KIRREL3: variants seen among roughly 807,000 people sequenced by gnomAD.
KIRREL3 encodes the protein kirre like nephrin family adhesion molecule 3.
KIRREL3 carries 36 observed loss-of-function variants against 89.7 expected under a neutral mutation model. The observed-to-expected ratio is 0.40, with a 90% CI of 0.31 to 0.53. The LOEUF (loss-of-function observed/expected upper bound fraction) is 0.53, where lower values mean the gene tolerates loss of function less well. Ranked by LOEUF, KIRREL3 falls within the 20% of genes least tolerant of loss-of-function variation. KIRREL3 has a pLI of 0.49. For missense variants in KIRREL3, 864 were observed against 1,056.6 expected (o/e 0.82, Z 2.53); for synonymous variants, 445 against 441.4 (o/e 1.01, Z -0.10).
chr11:126,891,197 A>G lies in KIRREL3; in HGVS notation c.55+109258T>C, dbSNP rs1440846798. Among the ~76,000 whole-genome samples, 6 of 152,182 alleles carry G rather than the reference A, an allele frequency of 3.9e-5. No homozygotes were observed. The highest frequency in any genetic ancestry group is 1.4e-4 in the African/African-American group (6 of 41,438). On this transcript the variant is annotated intron_variant, in intron 1 of 16. Coordinates refer to ENST00000525144, the MANE Select transcript of KIRREL3 (RefSeq NM_032531.4). This position sits in a 1 kb window ranked among gnomAD's most constrained non-coding sequence, Gnocchi z 5.1. ...AAACATCTGAGAAGCGTCCCAAGAT[A>G]CTGCAAATTATAAAGGGTGATTAGG...
chr11:126,927,300 T>C (rs1190596005), intron 1 of KIRREL3, among the ~76,000 whole-genome samples: 1 of 152,190 alleles, frequency 6.6e-6, no homozygotes, highest in Non-Finnish European at 1.5e-5. Context: ...CACTATGCAC[T>C]TGATACACAG....
Position 126,611,712 on chromosome 11 carries a change from T to G in KIRREL3, c.56-48800A>C, listed in dbSNP as rs2134796386. On this transcript the variant is annotated intron_variant, in intron 1 of 16. Coordinates refer to ENST00000525144, the MANE Select transcript of KIRREL3 (RefSeq NM_032531.4). The surrounding 1 kb of genome is among the most constrained non-coding windows in gnomAD (Gnocchi z 4.7). ...TGGGTTCACTGATCGCAGAGTCTTT[T>G]TCTGGCTGCCAAGAACATGGTAGCC... Among the ~76,000 whole-genome samples the G allele has an allele frequency of 6.6e-6, 1 of 152,320 alleles. No individual in the cohort carries two copies. The highest frequency in any genetic ancestry group is 1.5e-5 in the Non-Finnish European group (1 of 68,028).
At chr11:126,426,294 G>A (rs1954938570) in intron 15 of KIRREL3, among the ~76,000 whole-genome samples, 1 of 152,186 alleles carries the variant, frequency 6.6e-6, no homozygotes, top group Admixed American at 6.5e-5. Context: ...GGCCACACCT[G>A]TTATTCTCAT....
rs535680784 is a variant in KIRREL3 at position 126,476,411 on chromosome 11, C to T, written c.434-2945G>A. Among the ~76,000 whole-genome samples, 50 of 152,218 alleles carry T rather than the reference C, an allele frequency of 3.3e-4. 1 individual carries two copies. Among genetic ancestry groups the T allele is most frequent in the Admixed American group, 1.4e-3 (21 of 15,294 alleles). On this transcript the variant is annotated intron_variant, in intron 4 of 16. Transcript: ENST00000525144. This position sits in a 1 kb window ranked among gnomAD's most constrained non-coding sequence, Gnocchi z 6.4. Reference sequence around the variant, plus strand: ...TCCCGAGAATCCAAGACCCAGAGGACGGGCCCTTCCTCCTTGTGGCTGGAG... The same window carrying T: ...TCCCGAGAATCCAAGACCCAGAGGATGGGCCCTTCCTCCTTGTGGCTGGAG...
intron 1 of KIRREL3, among the ~76,000 whole-genome samples, chr11:126,824,436 A>G (rs1332771356): frequency 6.6e-6 from 1 of 152,246 alleles, no homozygotes. Flanking sequence ...CAGGGAGGGT[A>G]AACAACTCAC....
At chr11:126,968,346 A>G (rs1949335300) in intron 1 of KIRREL3, among the ~76,000 whole-genome samples, 1 of 152,222 alleles carries the variant, frequency 6.6e-6, no homozygotes, top group Non-Finnish European at 1.5e-5. Context: ...GCAAAATGCA[A>G]AAGAAAGAAA....
chr11:126,441,818 G>A lies in KIRREL3; in HGVS notation c.1253-1269C>T, dbSNP rs1462015952. 6.6e-6 allele frequency among the ~76,000 whole-genome samples: 1 copy of A among 152,132 alleles called. No individual in the cohort carries two copies. The highest frequency in any genetic ancestry group is 1.5e-5 in the Non-Finnish European group (1 of 68,028). On this transcript the variant is annotated intron_variant, in intron 10 of 16. Coordinates refer to ENST00000525144, the MANE Select transcript of KIRREL3 (RefSeq NM_032531.4). The surrounding 1 kb of genome is among the most constrained non-coding windows in gnomAD (Gnocchi z 5.0). ...GCTCGGGGCAGCGTGAGGTGGGCGT[G>A]GGGGACCCTCCATGGCTTTAAGAAT...
chr11:126,609,567 C>A lies in KIRREL3; in HGVS notation c.56-46655G>T, dbSNP rs1040427295. Among the ~76,000 whole-genome samples the A allele has an allele frequency of 1.3e-5, 2 of 152,250 alleles. No individual in the cohort carries two copies. The highest frequency in any genetic ancestry group is 1.9e-4 in the East Asian group (1 of 5,174). On this transcript the variant is annotated intron_variant, in intron 1 of 16. Coordinates refer to ENST00000525144, the MANE Select transcript of KIRREL3 (RefSeq NM_032531.4). This position sits in a 1 kb window ranked among gnomAD's most constrained non-coding sequence, Gnocchi z 5.0. ...GGGGAATGTGCCTGAGATCAGACAG[C>A]CTTGCACTAAGCTCAGCTCCTTTCT...
At chr11:126,801,089 G>T (rs902343259) in intron 1 of KIRREL3, among the ~76,000 whole-genome samples, 4 of 152,118 alleles carry the variant, frequency 2.6e-5, no homozygotes, top group African/African-American at 9.7e-5. Context: ...GAAAAACCTT[G>T]ATTAACTTGA....
rs552408749 is a variant in KIRREL3 at position 126,940,287 on chromosome 11, A to G, written c.55+60168T>C. On this transcript the variant is annotated intron_variant, in intron 1 of 16. Coordinates refer to ENST00000525144, the MANE Select transcript of KIRREL3 (RefSeq NM_032531.4). The surrounding 1 kb of genome is among the most constrained non-coding windows in gnomAD (Gnocchi z 4.6). ...CTTTTTAAATATATCCTTTTTTTCT[A>G]GATTGGAAAAACAATAGTTGTTTCT... Among the ~76,000 whole-genome samples, 306 of 152,310 alleles carry G rather than the reference A, an allele frequency of 2.0e-3. 1 individual carries two copies. Among genetic ancestry groups the G allele is most frequent in the Non-Finnish European group, 3.5e-3 (235 of 68,014 alleles).
chr11:126,938,972 A>T (rs965238957), intron 1 of KIRREL3, among the ~76,000 whole-genome samples: 6 of 152,198 alleles, frequency 3.9e-5, no homozygotes, highest in South Asian at 4.1e-4. Flanking sequence ...GGTAAAGATC[A>T]GCCTAGGTAC....
intron 1 of KIRREL3, among the ~76,000 whole-genome samples, chr11:126,907,289 G>A (rs906867819): frequency 2.6e-5 from 4 of 152,188 alleles, no homozygotes; most frequent in Admixed American, 6.5e-5. Context: ...GAACCTAGGC[G>A]AGGGAGGGGT....
intron 11 of KIRREL3, among the ~76,000 whole-genome samples, chr11:126,439,874 G>C (rs1210075979): frequency 6.6e-6 from 1 of 151,638 alleles, no homozygotes; most frequent in Non-Finnish European, 1.5e-5. Context: ...AAACCAAGCA[G>C]ATAGCTGGTA....
At chr11:126,662,431 T>TA (rs1220083769) in intron 1 of KIRREL3, among the ~76,000 whole-genome samples, 1 of 152,128 alleles carries the variant, frequency 6.6e-6, no homozygotes, top group African/African-American at 2.4e-5. Flanking sequence ...GGGTAATTTA[T>TA]AAAAAACAGA....
At chr11:126,958,857 A>G (rs1045464276) in intron 1 of KIRREL3, among the ~76,000 whole-genome samples, 1 of 152,042 alleles carries the variant, frequency 6.6e-6, no homozygotes, top group African/African-American at 2.4e-5. Flanking sequence ...TTTATGTGTC[A>G]ACTCGACTGG....
chr11:126,584,340 T>C (rs897425785), intron 1 of KIRREL3, among the ~76,000 whole-genome samples: 1 of 152,188 alleles, frequency 6.6e-6, no homozygotes, highest in African/African-American at 2.4e-5. Context: ...CACCTCTCCA[T>C]TGCCTGGCGA....
chr11:126,951,483 T>C (rs1450388686), intron 1 of KIRREL3, among the ~76,000 whole-genome samples: 1 of 151,998 alleles, frequency 6.6e-6, no homozygotes, highest in Non-Finnish European at 1.5e-5. Flanking sequence ...GAGAAGGAGG[T>C]ATCAGGAGGA....
rs1939414672 is a variant in KIRREL3 at position 126,553,066 on chromosome 11, G to A, written c.133+9769C>T. On this transcript the variant is annotated intron_variant, in intron 2 of 16. Coordinates refer to ENST00000525144, the MANE Select transcript of KIRREL3 (RefSeq NM_032531.4). This position sits in a 1 kb window ranked among gnomAD's most constrained non-coding sequence, Gnocchi z 4.7. ...GGTGTGTGTGAGCACACTCGTGAAGGCGTGCAAGCCAGCCCTTCATGCTTT... is the reference window on the plus strand; with the variant it reads ...GGTGTGTGTGAGCACACTCGTGAAGACGTGCAAGCCAGCCCTTCATGCTTT... Among the ~76,000 whole-genome samples, 1 of 152,174 alleles carries A rather than the reference G, an allele frequency of 6.6e-6. No individual in the cohort carries two copies. The highest frequency in any genetic ancestry group is 2.1e-4 in the South Asian group (1 of 4,832).
chr11:126,860,426 T>C lies in KIRREL3; in HGVS notation c.55+140029A>G, dbSNP rs1424651950. On this transcript the variant is annotated intron_variant, in intron 1 of 16. Coordinates refer to ENST00000525144, the MANE Select transcript of KIRREL3 (RefSeq NM_032531.4). The surrounding 1 kb of genome is among the most constrained non-coding windows in gnomAD (Gnocchi z 4.6). Reference sequence around the variant, plus strand: ...AGTGATATTTAAGAGCCTCAGGTGTTGGGAAGGAATTTGCTGAATGAAGAA... The same window carrying C: ...AGTGATATTTAAGAGCCTCAGGTGTCGGGAAGGAATTTGCTGAATGAAGAA... 6.6e-6 allele frequency among the ~76,000 whole-genome samples: 1 copy of C among 152,104 alleles called. No homozygotes were observed. The highest frequency in any genetic ancestry group is 1.9e-4 in the East Asian group (1 of 5,186).
Sources: gnomAD v4.1 joint callset for allele counts (sites outside exome capture counted in the v4.1 genomes callset) on GRCh38, gnomAD v4.1.1 for gene constraint, Gnocchi (gnomAD v3.1) non-coding constraint, MANE v1.5 for transcripts, NCBI Gene and HGNC (gene_info 2026-07-23, HGNC 2026-07-21) for gene names.